The following NR2E1 variants were observed in gnomAD, a reference collection of about 807,000 sequenced individuals.
NR2E1 encodes nuclear receptor TLX.
A neutral mutation model predicts 43.6 loss-of-function variants in NR2E1; 5 were observed. That is an observed-to-expected ratio of 0.11 (90% CI 0.06 to 0.24). The LOEUF (loss-of-function observed/expected upper bound fraction) is 0.24, where lower values mean the gene tolerates loss of function less well. Ranked by LOEUF, NR2E1 falls within the 10% of genes least tolerant of loss-of-function variation. NR2E1 has a pLI of 1.00. For missense variants in NR2E1, 287 were observed against 496.7 expected, an observed-to-expected ratio of 0.58 and a Z score of 4.01; for synonymous variants, 191 against 195.5, an observed-to-expected ratio of 0.98 and a Z score of 0.19.
intron 3 of NR2E1, among the ~76,000 whole-genome samples, 173 bp downstream of exon 3, chr6:108,175,096 G>A (rs1024874035): frequency 1.1e-4 from 16 of 152,184 alleles, no homozygotes; most frequent in Non-Finnish European, 2.2e-4. Flanking sequence ...AGCAGGAGCC[G>A]CTGGCGACCC....
rs1773970267 is a variant in NR2E1, at chr6:108,180,748, A to G, written c.740-59A>G. ...GATATGCAGGATTTTGTCAAAAATCAATATTAAATCATGAAAATGCCTTCA... is the reference window on the plus strand; with the variant it reads ...GATATGCAGGATTTTGTCAAAAATCGATATTAAATCATGAAAATGCCTTCA... On this transcript the variant is annotated intron_variant, in intron 6 of 8. Coordinates refer to ENST00000368986, the MANE Select transcript of NR2E1 (RefSeq NM_003269.5). The surrounding 1 kb of genome is among the most constrained non-coding windows in gnomAD (Gnocchi z 5.4). The G allele has an allele frequency of 6.5e-7, 1 of 1,542,082 alleles. No homozygotes were observed. Among genetic ancestry groups the G allele is most frequent in the Non-Finnish European group, 9.0e-7 (1 of 1,115,412 alleles).
chr6:108,186,049 G>A (rs1774071190), intron 8 of NR2E1, among the ~76,000 whole-genome samples: 1 of 152,248 alleles, frequency 6.6e-6, no homozygotes, highest in Admixed American at 6.5e-5. Flanking sequence ...TTGAAAAGAA[G>A]TGGCCAAGGT....
chr6:108,176,464 T>C (rs1383677471), intron 3 of NR2E1, 39 bp from the exon 4 acceptor site: 3 of 1,598,946 alleles, frequency 1.9e-6, no homozygotes, highest in Middle Eastern at 1.7e-4. Context: ...TCTCGACGTC[T>C]CTAATCGCCG....
chr6:108,175,044 G>A (rs1773873756), intron 3 of NR2E1, 121 bp downstream of exon 3: 3 of 917,918 alleles, frequency 3.3e-6, no homozygotes, highest in Non-Finnish European at 1.7e-6. Context: ...CCAGATGCTG[G>A]GAATTGGCCT....
rs1347999032 is a variant in NR2E1 at position 108,171,712 on chromosome 6, C to T, written c.171+109C>T. 2.9e-6 allele frequency: 4 copies of T among 1,374,580 alleles called. No individual in the cohort carries two copies. In the Admixed American group the frequency reaches 5.0e-5, roughly 17 times the overall value. 85.1% of individuals were successfully genotyped at this position (1,374,580 alleles called of 1,614,324 possible). ...CCACGCAGTTGAGGAGAGACCCGGC[C>T]CTGACCTCTCCCTTCCTCTCCCCTC... On this transcript the variant is annotated intron_variant, in intron 2 of 8. Coordinates refer to ENST00000368986, the MANE Select transcript of NR2E1 (RefSeq NM_003269.5).
At chr6:108,175,856 C>T (rs991456777) in intron 3 of NR2E1, among the ~76,000 whole-genome samples, 1 of 152,224 alleles carries the variant, frequency 6.6e-6, no homozygotes, top group Admixed American at 6.5e-5. Context: ...CTCGGCAGGC[C>T]GAAGATTGCC....
At chr6:108,174,710 C>T (rs1201713033) in intron 2 of NR2E1, 126 bp from the exon 3 acceptor site, 1 of 748,516 alleles carries the variant, frequency 1.3e-6, no homozygotes, top group African/African-American at 1.7e-5. Context: ...CAGGCCCAGG[C>T]TCGGGGCTCC....
In NR2E1 at chr6:108,180,804, T is replaced by G. The variant is rs750178553; in HGVS notation, c.740-3T>G. ...GAGTATTTATCCCATATTTTTATTC[T>G]AGGCATGAACGGTGACAACACAGAT... On this transcript the variant is annotated splice_region_variant and splice_polypyrimidine_tract_variant and intron_variant, in intron 6 of 8. Coordinates refer to ENST00000368986, the MANE Select transcript of NR2E1 (RefSeq NM_003269.5). The surrounding 1 kb of genome is among the most constrained non-coding windows in gnomAD (Gnocchi z 5.4). 1.9e-6 allele frequency: 3 copies of G among 1,613,764 alleles called. No individual in the cohort carries two copies. The highest frequency in any genetic ancestry group is 2.5e-6 in the Non-Finnish European group (3 of 1,179,628).
chr6:108,173,542 T>C (rs1175772956), intron 2 of NR2E1, among the ~76,000 whole-genome samples: 1 of 152,210 alleles, frequency 6.6e-6, no homozygotes, highest in African/African-American at 2.4e-5. Context: ...ATAATTTAAA[T>C]TGGAGAAGTG....
At position 108,180,974 on chromosome 6, in the gene NR2E1, CCT is replaced by C. The variant is rs747294660; in HGVS notation, c.889+19_889+20del. 9 of 1,613,750 alleles carry C rather than the reference CCT, an allele frequency of 5.6e-6. No homozygotes were observed. The highest frequency in any genetic ancestry group is 7.6e-6 in the Non-Finnish European group (9 of 1,179,752). On this transcript the variant is annotated intron_variant, in intron 7 of 8. Transcript: ENST00000368986. The surrounding 1 kb of genome is among the most constrained non-coding windows in gnomAD (Gnocchi z 5.4). Reference sequence around the variant, plus strand: ...CAAAGCCGGTAAGCAGACACAGACCCCTGTTTCTTCTCCTTCCCCAGTTTTGC... The same window carrying C: ...CAAAGCCGGTAAGCAGACACAGACCCGTTTCTTCTCCTTCCCCAGTTTTGC...
intron 8 of NR2E1, among the ~76,000 whole-genome samples, chr6:108,185,669 T>G (rs1411775835): frequency 6.6e-6 from 1 of 152,152 alleles, no homozygotes; most frequent in Non-Finnish European, 1.5e-5. Flanking sequence ...GGATTACAGG[T>G]ATGAGCCACC....
At chr6:108,179,846 G>A (rs1241790569) in intron 5 of NR2E1, among the ~76,000 whole-genome samples, 1 of 152,100 alleles carries the variant, frequency 6.6e-6, no homozygotes. Flanking sequence ...TTCCCCCAGT[G>A]CCTCTTGGGA....
At chr6:108,181,778 G>A in intron 8 of NR2E1, 127 bp downstream of exon 8, 1 of 754,032 alleles carries the variant, frequency 1.3e-6, no homozygotes, top group Non-Finnish European at 2.3e-6. Context: ...TTAATTTAGG[G>A]AGAATCCATG....
At chr6:108,179,479 C>A (rs994930384) in intron 5 of NR2E1, among the ~76,000 whole-genome samples, 3 of 144,778 alleles carry the variant, frequency 2.1e-5, no homozygotes, top group African/African-American at 8.0e-5. Flanking sequence ...TACTGGTTAG[C>A]TCTAACCACT....
chr6:108,170,455 T>C (rs1002823553), intron 1 of NR2E1, among the ~76,000 whole-genome samples: 4 of 151,730 alleles, frequency 2.6e-5, no homozygotes, highest in Non-Finnish European at 4.4e-5. Context: ...CCTCCCTTTC[T>C]AAACGGCCAA....
At position 108,166,879 on chromosome 6, in the gene NR2E1, T is replaced by G. The variant is rs1023566057; in HGVS notation, c.25+89T>G. 4 of 1,351,918 alleles carry G rather than the reference T, an allele frequency of 3.0e-6. No homozygotes were observed. The highest frequency in any genetic ancestry group is 4.1e-6 in the Non-Finnish European group (4 of 974,526). 83.7% of individuals were successfully genotyped at this position (1,351,918 alleles called of 1,614,324 possible). A position where few individuals can be genotyped will look rare whatever the true frequency, so the allele number is the denominator to read the frequency against. ...CTGGGGGAGGTCCTGCCTGGAGCGC[T>G]GCGAATCTGAGCCCCTGAGAGGGAT... On this transcript the variant is annotated intron_variant, in intron 1 of 8. Transcript: ENST00000368986. This position sits in a 1 kb window ranked among gnomAD's most constrained non-coding sequence, Gnocchi z 7.2.
At chr6:108,184,200 A>C (rs1016993385) in intron 8 of NR2E1, among the ~76,000 whole-genome samples, 1 of 152,190 alleles carries the variant, frequency 6.6e-6, no homozygotes, top group Non-Finnish European at 1.5e-5. Flanking sequence ...CCGTCTAAAA[A>C]ACAAACAAAA....
In NR2E1 at chr6:108,176,688, A is replaced by C; in HGVS notation, c.445A>C (p.Thr149Pro). The stretch of plus-strand genomic sequence containing the variant: ...CGGCCTGGAGCTGGCCGCGGTGTCC[A>C]CCACTCCAGAGCGGCAGACCCTCGT... ...PHGLELAAVSTTPERQTLVSL... is the reference protein window; with the variant it reads ...PHGLELAAVSPTPERQTLVSL... The change falls in exon 4 of 9, where the codon ACC (threonine) becomes CCC (proline). Residue 149 changes from threonine to proline, a missense_variant. Transcript: ENST00000368986. 6.3e-7 allele frequency: 1 copy of C among 1,597,498 alleles called. No homozygotes were observed. Among genetic ancestry groups the C allele is most frequent in the Non-Finnish European group, 8.5e-7 (1 of 1,175,650 alleles).
In NR2E1 at chr6:108,180,675, C is replaced by A; in HGVS notation, c.740-132C>A. 1.1e-6 allele frequency: 1 copy of A among 877,660 alleles called. No homozygotes were observed. Among genetic ancestry groups the A allele is most frequent in the Non-Finnish European group, 1.8e-6 (1 of 545,720 alleles). The allele number at this position is 877,660 out of a possible 1,614,324, so 54.4% of individuals were successfully genotyped here. ...TATATTAACTTTCATACAATATAGC[C>A]GGTTTACATGGAATCAGATATCTTA... On this transcript the variant is annotated intron_variant, in intron 6 of 8. Coordinates refer to ENST00000368986, the MANE Select transcript of NR2E1 (RefSeq NM_003269.5). This position sits in a 1 kb window ranked among gnomAD's most constrained non-coding sequence, Gnocchi z 5.4.
Sources: allele counts gnomAD v4.1 joint callset (sites outside exome capture counted in the v4.1 genomes callset), GRCh38; gene constraint gnomAD v4.1.1; non-coding constraint Gnocchi (gnomAD v3.1); transcripts MANE v1.5; gene names NCBI Gene and HGNC (gene_info 2026-07-23, HGNC 2026-07-21).